The following LOC400499 variants were observed in gnomAD, a reference collection of about 807,000 sequenced individuals.
the LOC400499 span, among the ~76,000 whole-genome samples, chr16:11,378,822 G>A: frequency 1.3e-5 from 2 of 152,166 alleles, no homozygotes; most frequent in Non-Finnish European, 2.9e-5. Flanking sequence ...AATCTTTCCT[G>A]GAGAACATTC....
chr16:11,383,019 A>G, the LOC400499 span, among the ~76,000 whole-genome samples: 1 of 151,992 alleles, frequency 6.6e-6, no homozygotes. Context: ...GGCCTCAGGA[A>G]GCTTACAATC....
chr16:11,384,028 A>T, the LOC400499 span: 1 of 1,231,608 alleles, frequency 8.1e-7, no homozygotes, highest in African/African-American at 1.6e-5. Context: ...TGGATGCAAG[A>T]CTCAGGCCTC....
At chr16:11,390,607 G>A in the LOC400499 span, 4 of 611,432 alleles carry the variant, frequency 6.5e-6, no homozygotes, top group Non-Finnish European at 7.1e-6. Context: ...ACAGAGCAGT[G>A]GCACTGGAGA....
chr16:11,456,985 A>G, the LOC400499 span: 1 of 1,535,954 alleles, frequency 6.5e-7, no homozygotes, highest in Admixed American at 2.0e-5. Flanking sequence ...CGGAGGCTCA[A>G]GTGGTAAAGC....
chr16:11,446,970 C>A, the LOC400499 span: 1 of 1,489,318 alleles, frequency 6.7e-7, no homozygotes, highest in Non-Finnish European at 8.9e-7. Flanking sequence ...TGCCAGGGGA[C>A]AATTGTGCCC....
chr16:11,463,927 G>C, the LOC400499 span, among the ~76,000 whole-genome samples: 6 of 152,106 alleles, frequency 3.9e-5, no homozygotes, highest in African/African-American at 1.4e-4. Context: ...TGTGAATATG[G>C]ATGTATATGG....
the LOC400499 span, among the ~76,000 whole-genome samples, chr16:11,438,085 A>G: frequency 6.6e-6 from 1 of 152,152 alleles, no homozygotes; most frequent in East Asian, 1.9e-4. Context: ...CTCACCCACA[A>G]AATGACAACG....
chr16:11,504,902 G>A, the LOC400499 span, among the ~76,000 whole-genome samples: 5 of 151,916 alleles, frequency 3.3e-5, no homozygotes, highest in Non-Finnish European at 7.4e-5. Flanking sequence ...CAGCCTGGGC[G>A]AAAGAGCAAG....
the LOC400499 span, among the ~76,000 whole-genome samples, chr16:11,507,839 T>A: frequency 8.2e-6 from 1 of 121,612 alleles, no homozygotes; most frequent in African/African-American, 6.5e-5. Flanking sequence ...GAGGCTGAGG[T>A]GGGAGGATCA....
At chr16:11,428,347 T>G in the LOC400499 span, among the ~76,000 whole-genome samples, 2 of 152,120 alleles carry the variant, frequency 1.3e-5, no homozygotes, top group Non-Finnish European at 2.9e-5. Context: ...AATTTTTTTG[T>G]ATTTTTAGTA....
the LOC400499 span, chr16:11,384,294 G>A: frequency 8.1e-7 from 1 of 1,232,406 alleles, no homozygotes; most frequent in Non-Finnish European, 1.0e-6. Flanking sequence ...CTGCTTCATT[G>A]TCATTGGTGC....
the LOC400499 span, chr16:11,448,949 G>T: frequency 1.3e-6 from 2 of 1,501,694 alleles, no homozygotes; most frequent in South Asian, 2.5e-5. Flanking sequence ...CCGCTGTTAG[G>T]TTCAGCTCCT....
At chr16:11,478,058 A>T in the LOC400499 span, 1 of 395,636 alleles carries the variant, frequency 2.5e-6, no homozygotes, top group Non-Finnish European at 4.5e-6. Flanking sequence ...CACGCCTGTA[A>T]TCCCAGCACT....
chr16:11,375,196 C>T, the LOC400499 span, among the ~76,000 whole-genome samples: 410 of 143,128 alleles, frequency 2.9e-3, 60 homozygotes, highest in African/African-American at 0.011. Flanking sequence ...GCTGCAGCAC[C>T]ATTTTATACT....
chr16:11,410,431 G>T, the LOC400499 span, among the ~76,000 whole-genome samples: 3 of 152,192 alleles, frequency 2.0e-5, no homozygotes, highest in Admixed American at 1.3e-4. Flanking sequence ...TCCAGCCTGG[G>T]TGACAAAGAG....
chr16:11,410,506 T>G, the LOC400499 span, among the ~76,000 whole-genome samples: 1 of 152,204 alleles, frequency 6.6e-6, no homozygotes, highest in African/African-American at 2.4e-5. Context: ...TGAATGACTG[T>G]GCAGTTGGAG....
the LOC400499 span, among the ~76,000 whole-genome samples, chr16:11,509,787 C>T: frequency 6.6e-6 from 1 of 152,090 alleles, no homozygotes; most frequent in Non-Finnish European, 1.5e-5. Context: ...GCTGAGATCA[C>T]TCCACTGCAC....
At chr16:11,435,453 C>G in the LOC400499 span, among the ~76,000 whole-genome samples, 2 of 152,120 alleles carry the variant, frequency 1.3e-5, no homozygotes, top group Non-Finnish European at 2.9e-5. Flanking sequence ...ACTCTCATAA[C>G]AACGCAAAAA....
At chr16:11,493,323 C>A in the LOC400499 span, among the ~76,000 whole-genome samples, 1 of 152,170 alleles carries the variant, frequency 6.6e-6, no homozygotes, top group Non-Finnish European at 1.5e-5. Flanking sequence ...AGTGGGCATG[C>A]CTGTGTTCCG....
Sources: gnomAD v4.1 joint callset for allele counts (sites outside exome capture counted in the v4.1 genomes callset) on GRCh38, gnomAD v4.1.1 for gene constraint, MANE v1.5 for transcripts.